KCNH7: variants seen among roughly 807,000 people sequenced by gnomAD.
KCNH7 encodes the protein potassium voltage-gated channel subfamily H member 7, also known as voltage-gated inwardly rectifying potassium channel KCNH7.
Under a neutral mutation model 120.8 loss-of-function variants are expected in KCNH7, and 49 were observed. The observed-to-expected ratio is 0.41, with a 90% CI of 0.32 to 0.51. The LOEUF is 0.51. Among genes scored for constraint, KCNH7 ranks in the 20% least tolerant of loss-of-function variants. KCNH7 has a pLI of 0.38. For synonymous variants in KCNH7, 547 were observed against 516.1 expected (o/e 1.06, Z -0.81); for missense variants, 1,097 against 1,446.6 (o/e 0.76, Z 3.92).
At chr2:162,667,512 T>C (rs1685181895) in intron 2 of KCNH7, among the ~76,000 whole-genome samples, 1 of 152,210 alleles carries the variant, frequency 6.6e-6, no homozygotes, top group South Asian at 2.1e-4. Context: ...TACTCAACTC[T>C]TCATCTTCTA....
chr2:162,605,576 T>C (rs1682725862), intron 2 of KCNH7, among the ~76,000 whole-genome samples: 1 of 152,122 alleles, frequency 6.6e-6, no homozygotes, highest in South Asian at 2.1e-4. Context: ...ATTTTTATTT[T>C]TCAAATTGCT....
At chr2:162,513,082 GT>G (rs1040527772) in intron 4 of KCNH7, among the ~76,000 whole-genome samples, 1 of 151,640 alleles carries the variant, frequency 6.6e-6, no homozygotes, top group South Asian at 2.1e-4. Flanking sequence ...CATGTTAAGT[GT>G]TTTTTTGCAT....
At chr2:162,373,787 A>G (rs531486731) in intron 14 of KCNH7, 125 bp from the exon 15 acceptor site, 2 of 516,308 alleles carry the variant, frequency 3.9e-6, no homozygotes, top group African/African-American at 2.0e-5. Context: ...GAAGGACAGG[A>G]GAGGGAGCAC....
At position 162,517,992 on chromosome 2, in the gene KCNH7, G is replaced by A. The variant is rs758839359; in HGVS notation, c.630C>T (p.Pro210=). The change falls in exon 4 of 16, where the codon CCC becomes CCT. Residue 210 remains proline (P), a synonymous_variant. Coordinates refer to ENST00000332142, the MANE Select transcript of KCNH7 (RefSeq NM_033272.4). ...FKSPTKESCS[P]SEADDTKALI... is the part of the protein sequence containing the mutation. ...AAGCTTTTGTGTCATCTGCTTCAGAGGGGCTGCAGCTTTCTTTTGTAGGAG... is the reference window on the plus strand; with the variant it reads ...AAGCTTTTGTGTCATCTGCTTCAGAAGGGCTGCAGCTTTCTTTTGTAGGAG... The A allele has an allele frequency of 2.5e-6, 4 of 1,612,448 alleles. No individual in the cohort carries two copies. The Admixed American group carries it at 6.7e-5, about 27-fold the overall frequency.
intron 2 of KCNH7, among the ~76,000 whole-genome samples, chr2:162,613,552 T>G (rs1202531743): frequency 6.6e-6 from 1 of 152,056 alleles, no homozygotes. Context: ...TAATTGTCAT[T>G]ATTTTTTGTT....
intron 2 of KCNH7, among the ~76,000 whole-genome samples, chr2:162,640,568 G>T (rs1283257159): frequency 6.6e-6 from 1 of 151,790 alleles, no homozygotes; most frequent in African/African-American, 2.4e-5. Flanking sequence ...TGTATCACAG[G>T]CTTAAATGTA....
intron 12 of KCNH7, 112 bp downstream of exon 12, chr2:162,394,277 C>G: frequency 1.4e-6 from 1 of 708,444 alleles, no homozygotes; most frequent in East Asian, 2.7e-5. Context: ...GATCTGCCCT[C>G]CTAAAGCCTG....
At chr2:162,712,466 GCT>G (rs1686960953) in intron 2 of KCNH7, among the ~76,000 whole-genome samples, 1 of 152,066 alleles carries the variant, frequency 6.6e-6, no homozygotes, top group African/African-American at 2.4e-5. Flanking sequence ...TGAATAAATA[GCT>G]GACTTTCTGC....
intron 2 of KCNH7, among the ~76,000 whole-genome samples, chr2:162,549,453 C>A (rs749417355): frequency 1.3e-5 from 2 of 152,210 alleles, no homozygotes; most frequent in Non-Finnish European, 2.9e-5. Flanking sequence ...CAACATGTTA[C>A]CTCTCTTAGG....
rs143755583 is a variant in KCNH7 at position 162,536,962 on chromosome 2, C to T, written c.426G>A (p.Glu142=). The change falls in exon 3 of 16, where the codon GAG becomes GAA. Residue 142 remains glutamate, a synonymous_variant. Coordinates refer to ENST00000332142, the MANE Select transcript of KCNH7 (RefSeq NM_033272.4). ...TGATTGGTAATATTGGGTTTACCCT[C>T]TCTGGGGTGGCAGCGTTTTCATTAT... The part of the protein sequence containing the change: ...VTDNENAATP[E]RVNPILPIKT... 1.2e-6 allele frequency: 2 copies of T among 1,612,860 alleles called. No individual in the cohort carries two copies. Among genetic ancestry groups the T allele is most frequent in the Non-Finnish European group, 8.5e-7 (1 of 1,179,174 alleles).
intron 2 of KCNH7, among the ~76,000 whole-genome samples, chr2:162,752,320 T>A (rs1688578685): frequency 1.3e-5 from 2 of 152,162 alleles, no homozygotes; most frequent in African/African-American, 2.4e-5. Context: ...AAACATAGCT[T>A]TATATCAACT....
chr2:162,383,426 C>T (rs1419366311), intron 13 of KCNH7, among the ~76,000 whole-genome samples: 1 of 151,778 alleles, frequency 6.6e-6, no homozygotes, highest in Non-Finnish European at 1.5e-5. Context: ...TTAGATTGTC[C>T]AGAGAACACT....
chr2:162,392,707 G>A (rs1686780292), intron 12 of KCNH7, among the ~76,000 whole-genome samples: 1 of 151,926 alleles, frequency 6.6e-6, no homozygotes, highest in Admixed American at 6.6e-5. Flanking sequence ...AGTACAACTG[G>A]AGTAAATGTT....
intron 2 of KCNH7, among the ~76,000 whole-genome samples, chr2:162,602,593 C>T (rs766568654): frequency 6.6e-6 from 1 of 152,074 alleles, no homozygotes; most frequent in Non-Finnish European, 1.5e-5. Flanking sequence ...TCACTGGAAT[C>T]ACTGCTTCAC....
chr2:162,496,202 C>G (rs1308803265), intron 6 of KCNH7, among the ~76,000 whole-genome samples: 1 of 152,140 alleles, frequency 6.6e-6, no homozygotes, highest in African/African-American at 2.4e-5. Context: ...TGTCTACTTT[C>G]CCCAACAGCC....
chr2:162,624,499 T>C (rs1683474138), intron 2 of KCNH7, among the ~76,000 whole-genome samples: 1 of 152,140 alleles, frequency 6.6e-6, no homozygotes, highest in African/African-American at 2.4e-5. Flanking sequence ...CAAACAATAG[T>C]GCCTAGAAAT....
chr2:162,518,728 C>T (rs1691408574), intron 3 of KCNH7, among the ~76,000 whole-genome samples: 1 of 151,252 alleles, frequency 6.6e-6, no homozygotes, highest in South Asian at 2.1e-4. Context: ...AGAGGTTTAT[C>T]ATTCCATCTG....
chr2:162,838,692 C>A lies in KCNH7; in HGVS notation c.-174G>T. On this transcript the variant is annotated 5_prime_UTR_variant, in exon 1 of 16. Transcript: ENST00000332142. ...ACTTCTAGACACCCGCTTTCCCCAC[C>A]GGAGTCCAATCCATTCCCCTCACCT... is the stretch of plus-strand genomic sequence containing the variant. 10 of 471,288 alleles carry A rather than the reference C, an allele frequency of 2.1e-5. No homozygotes were observed. The allele number at this position is 471,288 out of a possible 1,614,324, so 29.2% of individuals were successfully genotyped here.
At chr2:162,778,759 A>C (rs1683354923) in intron 2 of KCNH7, among the ~76,000 whole-genome samples, 1 of 152,198 alleles carries the variant, frequency 6.6e-6, no homozygotes, top group African/African-American at 2.4e-5. Flanking sequence ...TATGAAACTG[A>C]TATTTTAGAT....
Sources: gnomAD v4.1 joint callset for allele counts (sites outside exome capture counted in the v4.1 genomes callset) on GRCh38, gnomAD v4.1.1 for gene constraint, MANE v1.5 for transcripts, NCBI Gene and HGNC (gene_info 2026-07-23, HGNC 2026-07-21) for gene names.